Variants in ATP1B3 observed in about 807,000 individuals in gnomAD.
ATP1B3 encodes ATPase Na+/K+ transporting subunit beta 3, also known as sodium/potassium-transporting ATPase subunit beta-3.
Under a neutral mutation model 30.2 loss-of-function variants are expected in ATP1B3, and 10 were observed. The ratio of observed to expected loss-of-function variants is 0.33; its 90% CI spans 0.20 to 0.56. ATP1B3 has a LOEUF of 0.56. ATP1B3 is among the 20% of genes least tolerant of loss of function. ATP1B3 has a pLI of 0.90. For synonymous variants in ATP1B3, 113 were observed against 117.0 expected (o/e 0.97, Z 0.22); for missense variants, 238 against 336.7 (o/e 0.71, Z 2.29).
At chr3:141,901,340 G>A (rs1934160737) in intron 1 of ATP1B3, among the ~76,000 whole-genome samples, 1 of 152,144 alleles carries the variant, frequency 6.6e-6, no homozygotes, top group Non-Finnish European at 1.5e-5. Flanking sequence ...TTACACCTGG[G>A]TAAGAGCAGC....
chr3:141,918,893 A>C (rs1934516731), intron 5 of ATP1B3: 1 of 152,278 alleles, frequency 6.6e-6, no homozygotes, highest in South Asian at 2.1e-4. Context: ...TGTGAAGTAC[A>C]TAAAATAATC....
chr3:141,876,906 C>T lies in ATP1B3; in HGVS notation c.105C>T (p.Ser35=), dbSNP rs1266820698. 1.3e-6 allele frequency: 2 copies of T among 1,567,970 alleles called. No individual in the cohort carries two copies. ...TGEFLGRTAK[S]WGLILLFYLV... Reference sequence around the variant, plus strand: ...AATTCCTGGGGCGCACCGCCAAGAGCTGGGGTGAGCGGGCAGCAGCTGGGC... The same window carrying T: ...AATTCCTGGGGCGCACCGCCAAGAGTTGGGGTGAGCGGGCAGCAGCTGGGC... The change falls in exon 1 of 7, where the codon AGC becomes AGT. Residue 35 remains serine, a synonymous_variant. Coordinates refer to ENST00000286371, the MANE Select transcript of ATP1B3 (RefSeq NM_001679.4).
intron 1 of ATP1B3, 84 bp downstream of exon 1, chr3:141,876,994 A>C: frequency 1.8e-6 from 2 of 1,112,602 alleles, no homozygotes; most frequent in Non-Finnish European, 2.4e-6. Flanking sequence ...GAAAGGCGGG[A>C]GGCGGCTCCC....
intron 1 of ATP1B3, among the ~76,000 whole-genome samples, chr3:141,899,172 A>G (rs1420258385): frequency 6.6e-6 from 1 of 152,240 alleles, no homozygotes; most frequent in African/African-American, 2.4e-5. Flanking sequence ...AACTCTGAAT[A>G]TAAAATGTAA....
chr3:141,899,159 T>C (rs1431473848), intron 1 of ATP1B3, among the ~76,000 whole-genome samples: 1 of 152,198 alleles, frequency 6.6e-6, no homozygotes, highest in Admixed American at 6.5e-5. Context: ...GTGATGCTTA[T>C]ACAACTCTGA....
At chr3:141,877,296 C>G (rs957599459) in intron 1 of ATP1B3, among the ~76,000 whole-genome samples, 3 of 152,036 alleles carry the variant, frequency 2.0e-5, no homozygotes, top group African/African-American at 2.4e-5. Flanking sequence ...ACGGAGCGCT[C>G]CGGCCCGAGA....
chr3:141,913,845 A>G lies in ATP1B3; in HGVS notation c.531+9A>G, dbSNP rs573381051. On this transcript the variant is annotated intron_variant, in intron 4 of 6. Coordinates refer to ENST00000286371, the MANE Select transcript of ATP1B3 (RefSeq NM_001679.4). ...TTGTGAAAATGAACAGAGTACGTACATATTTTACCTCTGCTGCTGCTTTTT... is the reference window on the plus strand; with the variant it reads ...TTGTGAAAATGAACAGAGTACGTACGTATTTTACCTCTGCTGCTGCTTTTT... 2.6e-5 allele frequency: 41 copies of G among 1,586,104 alleles called. No homozygotes were observed. The highest frequency in any genetic ancestry group is 3.3e-5 in the Non-Finnish European group (39 of 1,168,874).
At chr3:141,888,269 T>G (rs1408609541) in intron 1 of ATP1B3, among the ~76,000 whole-genome samples, 1 of 152,240 alleles carries the variant, frequency 6.6e-6, no homozygotes, top group Non-Finnish European at 1.5e-5. Flanking sequence ...CGTGTGTTTC[T>G]CTCTACCTCC....
intron 1 of ATP1B3, among the ~76,000 whole-genome samples, chr3:141,883,022 C>T (rs1405511886): frequency 1.3e-5 from 2 of 152,208 alleles, no homozygotes; most frequent in Admixed American, 6.5e-5. Flanking sequence ...TTTAAAATCT[C>T]AGTGGCTTAC....
intron 2 of ATP1B3, among the ~76,000 whole-genome samples, chr3:141,904,380 T>A (rs1318047833): frequency 6.6e-6 from 1 of 152,038 alleles, no homozygotes; most frequent in Non-Finnish European, 1.5e-5. Flanking sequence ...AATATAGTTA[T>A]AGTTATGAGT....
chr3:141,884,394 GCT>G (rs1319759792), intron 1 of ATP1B3, among the ~76,000 whole-genome samples: 1 of 152,098 alleles, frequency 6.6e-6, no homozygotes, highest in Non-Finnish European at 1.5e-5. Flanking sequence ...CCACTCCCTA[GCT>G]CTCTAACCAT....
At chr3:141,913,620 T>C in intron 3 of ATP1B3, 32 bp from the exon 4 acceptor site, 1 of 1,516,198 alleles carries the variant, frequency 6.6e-7, no homozygotes, top group Non-Finnish European at 8.8e-7. Flanking sequence ...CTTTTTTGGC[T>C]GATCTAGCAC....
intron 2 of ATP1B3, 152 bp from the exon 3 acceptor site, chr3:141,907,015 C>T: frequency 2.1e-6 from 1 of 469,146 alleles, no homozygotes; most frequent in South Asian, 4.9e-5. Flanking sequence ...GATGTCTATG[C>T]CTTCATAATT....
Position 141,885,880 on chromosome 3 carries a change from AACACACACACACACACACAC to A in ATP1B3, c.109+8995_109+9014del, listed in dbSNP as rs146684460. Among the ~76,000 whole-genome samples, 261 of 141,742 alleles carry A rather than the reference AACACACACACACACACACAC, an allele frequency of 1.8e-3. 1 individual carries two copies. Among genetic ancestry groups the A allele is most frequent in the Admixed American group, 3.0e-3 (42 of 14,020 alleles). The allele number at this position is 141,742 out of a possible 152,430, so 93.0% of individuals were successfully genotyped here. A position where few individuals can be genotyped will look rare whatever the true frequency, so the allele number is the denominator to read the frequency against. ...TTCCAGCTTTTATCTGCTGCGTTAAAACACACACACACACACACACACACACACACACACACACACACACC... is the reference window on the plus strand; with the variant it reads ...TTCCAGCTTTTATCTGCTGCGTTAAAACACACACACACACACACACACACC... On this transcript the variant is annotated intron_variant, in intron 1 of 6. Coordinates refer to ENST00000286371, the MANE Select transcript of ATP1B3 (RefSeq NM_001679.4).
chr3:141,908,066 T>TGC (rs1934293493), intron 3 of ATP1B3, among the ~76,000 whole-genome samples: 1 of 111,918 alleles, frequency 8.9e-6, no homozygotes, highest in Non-Finnish European at 1.8e-5. Flanking sequence ...GTGCCAGGCA[T>TGC]TCTTTTTTTT....
chr3:141,897,061 C>T (rs922445847), intron 1 of ATP1B3, among the ~76,000 whole-genome samples: 1 of 152,134 alleles, frequency 6.6e-6, no homozygotes, highest in Non-Finnish European at 1.5e-5. Flanking sequence ...GCCCAAGCTC[C>T]CTGTTCCCAC....
intron 3 of ATP1B3, among the ~76,000 whole-genome samples, chr3:141,912,004 C>T (rs1934370767): frequency 6.6e-6 from 1 of 152,104 alleles, no homozygotes; most frequent in African/African-American, 2.4e-5. Context: ...AGAGTCTATG[C>T]AGTAGAAGCC....
intron 1 of ATP1B3, among the ~76,000 whole-genome samples, chr3:141,880,350 C>G (rs990080018): frequency 6.6e-6 from 1 of 152,096 alleles, no homozygotes; most frequent in African/African-American, 2.4e-5. Context: ...TTCACAGTAA[C>G]GTAAAGCCAA....
intron 1 of ATP1B3, chr3:141,902,070 GT>G: frequency 8.4e-7 from 1 of 1,194,686 alleles, no homozygotes; most frequent in Non-Finnish European, 1.1e-6. Flanking sequence ...CTTTCTGTGT[GT>G]TTCATTTCCC....
Sources: allele counts gnomAD v4.1 joint callset (sites outside exome capture counted in the v4.1 genomes callset), GRCh38; gene constraint gnomAD v4.1.1; transcripts MANE v1.5; gene names NCBI Gene and HGNC (gene_info 2026-07-23, HGNC 2026-07-21).